SLC22A12: variants seen among roughly 807,000 people sequenced by gnomAD.
SLC22A12 encodes solute carrier family 22 member 12.
In SLC22A12, 56 loss-of-function variants were observed where a neutral mutation model predicts 52.7. The ratio of observed to expected loss-of-function variants is 1.06; its 90% CI spans 0.86 to 1.33. The LOEUF (loss-of-function observed/expected upper bound fraction) is 1.33, where lower values mean the gene tolerates loss of function less well. Ranked by LOEUF, SLC22A12 falls within the 40% of genes most tolerant of loss-of-function variation. The pLI, the probability that SLC22A12 is intolerant of heterozygous loss-of-function variation, is 0.00. For synonymous variants in SLC22A12, 337 were observed against 324.6 expected, an observed-to-expected ratio of 1.04 and a Z score of -0.41; for missense variants, 683 against 741.5, an observed-to-expected ratio of 0.92 and a Z score of 0.92.
chr11:64,598,972 G>C (rs1422110830), intron 6 of SLC22A12, 49 bp downstream of exon 6: 1 of 1,600,742 alleles, frequency 6.2e-7, no homozygotes, highest in South Asian at 1.1e-5. Context: ...CCTGGAATCG[G>C]GGCTCTCGCT....
intron 9 of SLC22A12, 60 bp from the exon 10 acceptor site, chr11:64,601,428 G>A (rs1565142846): frequency 1.3e-6 from 2 of 1,562,982 alleles, no homozygotes; most frequent in South Asian, 1.1e-5. Flanking sequence ...GATGGACACA[G>A]GTCAAGGGTC....
At chr11:64,595,032 A>G (rs1389652924) in intron 4 of SLC22A12, among the ~76,000 whole-genome samples, 1 of 84,172 alleles carries the variant, frequency 1.2e-5, no homozygotes, top group Non-Finnish European at 2.6e-5. Context: ...GTTGGAATAG[A>G]TGGATGGATG....
chr11:64,600,967 C>T lies in SLC22A12; in HGVS notation c.1598+29C>T, dbSNP rs767163693. On this transcript the variant is annotated intron_variant, in intron 9 of 9. Coordinates refer to ENST00000377574, the MANE Select transcript of SLC22A12 (RefSeq NM_144585.4). Reference sequence around the variant, plus strand: ...AGTGGACCCAGCCTCGGGACCACCCCTCCCTCCCACCAGAGAACCCTAGCA... The same window carrying T: ...AGTGGACCCAGCCTCGGGACCACCCTTCCCTCCCACCAGAGAACCCTAGCA... 2.5e-6 allele frequency: 4 copies of T among 1,601,806 alleles called. No individual in the cohort carries two copies. The South Asian group carries it at 3.3e-5, about 13-fold the overall frequency.
rs776040390 is a variant in SLC22A12 at position 64,599,707 on chromosome 11, G to T, written c.1102G>T (p.Ala368Ser). ...FAFGFTFFGL[A>S]LDLQALGSNI... ...CTTTGGCTTCACCTTCTTCGGCCTG[G>T]CCCTGGACCTGCAGGCCCTGGGCAG... The change falls in exon 7 of 10, where the codon GCC becomes TCC. Residue 368 changes from alanine to serine, a missense_variant. By Grantham distance (99) the Ala-to-Ser change is moderately conservative. Transcript: ENST00000377574. 11 of 1,610,676 alleles carry T rather than the reference G, an allele frequency of 6.8e-6. No homozygotes were observed. The highest frequency in any genetic ancestry group is 1.7e-5 in the Admixed American group (1 of 59,668).
chr11:64,593,886 G>A (rs184346828), intron 4 of SLC22A12, 83 bp downstream of exon 4: 10 of 1,537,946 alleles, frequency 6.5e-6, no homozygotes, highest in Non-Finnish European at 7.0e-6. Context: ...TCCTTTCCCT[G>A]GGGGCTGGGG....
At chr11:64,593,292 G>A (rs1395695243) in intron 2 of SLC22A12, 113 bp from the exon 3 acceptor site, 4 of 1,532,048 alleles carry the variant, frequency 2.6e-6, no homozygotes, top group Non-Finnish European at 3.6e-6. Flanking sequence ...TGCCGCTTCA[G>A]TGTCCGCCTC....
At position 64,591,839 on chromosome 11, in the gene SLC22A12, C is replaced by G; in HGVS notation, c.283C>G (p.Gln95Glu). The G allele has an allele frequency of 6.2e-7, 1 of 1,612,608 alleles. No individual in the cohort carries two copies. The highest frequency in any genetic ancestry group is 2.2e-5 in the East Asian group (1 of 44,884). ...PHQCRRFRQP[Q>E]WQLLDPNATA... ...CCAGTGCCGCCGCTTCCGCCAGCCA[C>G]AGTGGCAGCTCTTGGACCCCAATGC... is the stretch of plus-strand genomic sequence containing the variant. The change falls in exon 1 of 10, where the codon CAG becomes GAG. Residue 95 changes from glutamine (Q) to glutamate (E), a missense_variant. Coordinates refer to ENST00000377574, the MANE Select transcript of SLC22A12 (RefSeq NM_144585.4).
chr11:64,592,086 C>G, intron 1 of SLC22A12, 128 bp downstream of exon 1: 1 of 1,408,278 alleles, frequency 7.1e-7, no homozygotes, highest in South Asian at 1.3e-5. Context: ...ACTCTCGAGC[C>G]TCTCAGCCCC....
intron 8 of SLC22A12, 43 bp from the exon 9 acceptor site, chr11:64,600,692 G>T (rs1316554228): frequency 6.2e-7 from 1 of 1,600,854 alleles, no homozygotes. Flanking sequence ...TCAAGGCTGT[G>T]GGCACACAGA....
At chr11:64,600,178 G>C (rs980495097) in intron 7 of SLC22A12, among the ~76,000 whole-genome samples, 189 bp from the exon 8 acceptor site, 1 of 152,192 alleles carries the variant, frequency 6.6e-6, no homozygotes, top group African/African-American at 2.4e-5. Context: ...GCTGGCTCTG[G>C]GTGTCTGAGC....
At chr11:64,601,427 A>G in intron 9 of SLC22A12, 61 bp from the exon 10 acceptor site, 3 of 1,554,410 alleles carry the variant, frequency 1.9e-6, no homozygotes, top group Non-Finnish European at 1.8e-6. Flanking sequence ...GGATGGACAC[A>G]GGTCAAGGGT....
In SLC22A12 at chr11:64,593,567, T is replaced by A. The variant is rs772957156; in HGVS notation, c.661+8T>A. On this transcript the variant is annotated splice_region_variant and intron_variant, in intron 3 of 9. Transcript: ENST00000377574. ...TGAACACGGGCACTCTCCGTAGGTCTCTGACCTGGCGCCATGCAGGGGGGC... is the reference window on the plus strand; with the variant it reads ...TGAACACGGGCACTCTCCGTAGGTCACTGACCTGGCGCCATGCAGGGGGGC... 10 of 1,614,162 alleles carry A rather than the reference T, an allele frequency of 6.2e-6. No individual in the cohort carries two copies. In the East Asian group the frequency reaches 2.2e-4, roughly 36 times the overall value.
chr11:64,601,341 C>T (rs1324558419), intron 9 of SLC22A12, 147 bp from the exon 10 acceptor site: 3 of 802,044 alleles, frequency 3.7e-6, no homozygotes, highest in African/African-American at 3.4e-5. Flanking sequence ...TCACACACAC[C>T]CCCAACCCAT....
chr11:64,600,786 G>T lies in SLC22A12; in HGVS notation c.1446G>T (p.Leu482=). 1.2e-6 allele frequency: 2 copies of T among 1,605,778 alleles called. No homozygotes were observed. ...GQMAARGGAI[L]GPLVRLLGVH... is the part of the protein sequence containing the mutation. The stretch of plus-strand genomic sequence containing the variant: ...TGGCAGCCCGTGGAGGAGCCATCCT[G>T]GGGCCTCTGGTCCGGCTGCTGGGTG... The change falls in exon 9 of 10, where the codon CTG becomes CTT. Residue 482 remains leucine, a synonymous_variant. Transcript: ENST00000377574.
Position 64,597,910 on chromosome 11 carries a change from G to A in SLC22A12, c.831-606G>A, listed in dbSNP as rs12221796. On this transcript the variant is annotated intron_variant, in intron 4 of 9. Coordinates refer to ENST00000377574, the MANE Select transcript of SLC22A12 (RefSeq NM_144585.4). ...GCCGAGATAGCAGAGACTCAGGTGCGAGGGGTCCTGGAGGTGTGGGAATCA... is the reference window on the plus strand; with the variant it reads ...GCCGAGATAGCAGAGACTCAGGTGCAAGGGGTCCTGGAGGTGTGGGAATCA... Among the ~76,000 whole-genome samples, 2,972 of 152,282 alleles carry A rather than the reference G, an allele frequency of 0.02. 256 individuals are homozygous for A. The East Asian group carries it at 0.28, about 15-fold the overall frequency.
chr11:64,599,382 A>C (rs767277133), intron 6 of SLC22A12, among the ~76,000 whole-genome samples: 10 of 152,068 alleles, frequency 6.6e-5, no homozygotes, highest in Non-Finnish European at 8.8e-5. Flanking sequence ...TCACTCCCAG[A>C]CAAAGCCCCC....
Position 64,591,483 on chromosome 11 carries a change from G to A in SLC22A12, c.-74G>A, listed in dbSNP as rs932204444. The A allele has an allele frequency of 1.2e-5, 19 of 1,591,136 alleles. No homozygotes were observed. Among genetic ancestry groups the A allele is most frequent in the Middle Eastern group, 1.7e-4 (1 of 5,886 alleles). On this transcript the variant is annotated 5_prime_UTR_variant, in exon 1 of 10. Coordinates refer to ENST00000377574, the MANE Select transcript of SLC22A12 (RefSeq NM_144585.4). The stretch of plus-strand genomic sequence containing the variant: ...GCACCACCGTGGGGGAAACAGGCCC[G>A]TTGCCCTGGCCTCTTTGCCCTGGGC...
chr11:64,594,478 A>G (rs1565135116), intron 4 of SLC22A12, among the ~76,000 whole-genome samples: 1 of 104,270 alleles, frequency 9.6e-6, no homozygotes, highest in Non-Finnish European at 1.9e-5. Context: ...GTAAGTAGAA[A>G]TAGATAGATA....
chr11:64,600,023 G>A (rs1444856306), intron 7 of SLC22A12, 133 bp downstream of exon 7: 11 of 1,105,230 alleles, frequency 1.0e-5, no homozygotes, highest in Non-Finnish European at 1.4e-5. Flanking sequence ...GAGCCGTCTA[G>A]GGACAGACGG....
Sources: allele counts gnomAD v4.1 joint callset (sites outside exome capture counted in the v4.1 genomes callset), GRCh38; gene constraint gnomAD v4.1.1; transcripts MANE v1.5; gene names NCBI Gene and HGNC (gene_info 2026-07-23, HGNC 2026-07-21).